The following SIAE variants were observed in gnomAD, a reference collection of about 807,000 sequenced individuals.
The protein encoded by SIAE is sialate O-acetylesterase.
SIAE carries 39 observed loss-of-function variants against 52.6 expected under a neutral mutation model. The ratio of observed to expected loss-of-function variants is 0.74; its 90% confidence interval spans 0.57 to 0.97. The LOEUF (loss-of-function observed/expected upper bound fraction) is 0.97, where lower values mean the gene tolerates loss of function less well. SIAE is among the 50% of genes least tolerant of loss of function. The probability of loss-of-function intolerance (pLI) is 0.00; values close to 1 mark genes in which losing one functional copy is unlikely to be tolerated. For synonymous variants in SIAE, 233 were observed against 241.4 expected, an observed-to-expected ratio of 0.97 and a Z score of 0.32; for missense variants, 592 against 662.1, an observed-to-expected ratio of 0.89 and a Z score of 1.16.
chr11:124,637,910 C>G (rs1371329102), intron 9 of SIAE, among the ~76,000 whole-genome samples: 1 of 152,148 alleles, frequency 6.6e-6, no homozygotes, highest in African/African-American at 2.4e-5. Flanking sequence ...TTCACACACC[C>G]CTTCCCAACC....
intron 2 of SIAE, among the ~76,000 whole-genome samples, chr11:124,668,371 A>G (rs1356956155): frequency 1.3e-5 from 2 of 152,244 alleles, no homozygotes; most frequent in African/African-American, 4.8e-5. Context: ...ATAACTGCTT[A>G]CTATCTTCCT....
At chr11:124,662,602 A>G (rs1048887612) in intron 2 of SIAE, among the ~76,000 whole-genome samples, 2 of 152,196 alleles carry the variant, frequency 1.3e-5, no homozygotes, top group Non-Finnish European at 2.9e-5. Flanking sequence ...CTACCCAGTA[A>G]TTAAAAGATA....
chr11:124,664,663 C>G (rs1943246887), intron 2 of SIAE, among the ~76,000 whole-genome samples: 1 of 152,134 alleles, frequency 6.6e-6, no homozygotes, highest in Non-Finnish European at 1.5e-5. Flanking sequence ...AACAAGCAAA[C>G]AATCAATGGA....
chr11:124,655,228 G>A (rs923162268), intron 3 of SIAE, among the ~76,000 whole-genome samples: 6 of 146,390 alleles, frequency 4.1e-5, no homozygotes, highest in African/African-American at 8.1e-5. Context: ...CCAGGCTGGA[G>A]TGTAGTGGCC....
At chr11:124,647,989 C>A in intron 6 of SIAE, 77 bp downstream of exon 6, 1 of 1,105,738 alleles carries the variant, frequency 9.0e-7, no homozygotes, top group South Asian at 1.3e-5. Context: ...TTGCTTTAAG[C>A]CACTACGTTC....
intron 7 of SIAE, among the ~76,000 whole-genome samples, chr11:124,644,122 C>G (rs1942891376): frequency 6.6e-6 from 1 of 152,066 alleles, no homozygotes; most frequent in Non-Finnish European, 1.5e-5. Context: ...AGGCCATTTA[C>G]AATTCTCTTA....
upstream of SIAE, chr11:124,674,306 G>A (rs1453759980): frequency 3.3e-5 from 5 of 152,432 alleles, no homozygotes; most frequent in African/African-American, 9.7e-5. Flanking sequence ...GGGAGGCTGA[G>A]GCGGGATCAT....
intron 2 of SIAE, among the ~76,000 whole-genome samples, chr11:124,662,803 T>C (rs987790742): frequency 6.6e-6 from 1 of 152,192 alleles, no homozygotes; most frequent in African/African-American, 2.4e-5. Flanking sequence ...GTGCTAGTCC[T>C]CAAGATGTTA....
intron 1 of SIAE, among the ~76,000 whole-genome samples, chr11:124,672,144 T>A (rs1213679751): frequency 6.6e-6 from 1 of 151,924 alleles, no homozygotes. Flanking sequence ...AACTCCTGAC[T>A]CTAAGTGATC....
chr11:124,641,443 C>A (rs550104958), intron 7 of SIAE, among the ~76,000 whole-genome samples: 8 of 152,260 alleles, frequency 5.3e-5, no homozygotes, highest in African/African-American at 9.6e-5. Flanking sequence ...GATAGCAAGG[C>A]AAGTGTTTGT....
intron 5 of SIAE, among the ~76,000 whole-genome samples, chr11:124,649,327 T>C (rs1285923261): frequency 1.3e-5 from 2 of 150,594 alleles, no homozygotes; most frequent in African/African-American, 4.9e-5. Flanking sequence ...AATATATTCA[T>C]AATTTATATA....
intron 4 of SIAE, among the ~76,000 whole-genome samples, chr11:124,652,872 G>A (rs566640424): frequency 6.7e-6 from 1 of 149,586 alleles, no homozygotes; most frequent in African/African-American, 2.6e-5. Flanking sequence ...TCCCTTCCCT[G>A]ATATATTTAT....
In SIAE at chr11:124,649,491, TA is replaced by T; in HGVS notation, c.722+127del. On this transcript the variant is annotated intron_variant, in intron 5 of 9. Coordinates refer to ENST00000263593, the MANE Select transcript of SIAE (RefSeq NM_170601.5). ...AAATAATGCTTTCCCTCTACATGAATAAATTACATACATTCAACACATATTG... is the reference window on the plus strand; with the variant it reads ...AAATAATGCTTTCCCTCTACATGAATAATTACATACATTCAACACATATTG... 4 of 1,028,282 alleles carry T rather than the reference TA, an allele frequency of 3.9e-6. No individual in the cohort carries two copies. In the Admixed American group the frequency reaches 7.0e-5, roughly 18 times the overall value. 63.7% of individuals were successfully genotyped at this position (1,028,282 alleles called of 1,614,324 possible).
chr11:124,639,816 G>A lies in SIAE; in HGVS notation c.1018C>T (p.Arg340Cys), dbSNP rs956977113. Residue 340 changes from arginine to cysteine, a missense_variant, in exon 8 of 10, where the codon CGT becomes TGT. Coordinates refer to ENST00000263593, the MANE Select transcript of SIAE (RefSeq NM_170601.5). Reference protein sequence around the residue: ...KSSDDGFPQIRWHQTADFGYV... With the variant: ...KSSDDGFPQICWHQTADFGYV... ...CCGAAGTCTGCTGTTTGATGCCAACGGATCTGGGGAAATCCATCGTCTGAG... is the reference window on the plus strand; with the variant it reads ...CCGAAGTCTGCTGTTTGATGCCAACAGATCTGGGGAAATCCATCGTCTGAG... 2.5e-6 allele frequency: 4 copies of A among 1,614,084 alleles called. No individual in the cohort carries two copies. The highest frequency in any genetic ancestry group is 1.3e-5 in the African/African-American group (1 of 74,934).
In SIAE at chr11:124,633,157, T is replaced by G. The variant is rs963288833; in HGVS notation, c.*3794A>C. 1.3e-5 allele frequency: 2 copies of G among 152,224 alleles called. No individual in the cohort carries two copies. Among genetic ancestry groups the G allele is most frequent in the Non-Finnish European group, 2.9e-5 (2 of 68,062 alleles). The allele number at this position is 152,224 out of a possible 1,614,324, so 9.4% of individuals were successfully genotyped here. On this transcript the variant is annotated 3_prime_UTR_variant, in exon 10 of 10. Coordinates refer to ENST00000263593, the MANE Select transcript of SIAE (RefSeq NM_170601.5). Reference sequence around the variant, plus strand: ...AACCTTTGTATTGCACCTCAGATAATGTGCTTTTTAGCTCAGTACACTGAA... The same window carrying G: ...AACCTTTGTATTGCACCTCAGATAAGGTGCTTTTTAGCTCAGTACACTGAA...
At chr11:124,668,085 CA>C (rs1943297684) in intron 2 of SIAE, among the ~76,000 whole-genome samples, 1 of 152,158 alleles carries the variant, frequency 6.6e-6, no homozygotes, top group Non-Finnish European at 1.5e-5. Context: ...CACTCCTTAG[CA>C]ATGACAAACA....
At position 124,636,084 on chromosome 11, in the gene SIAE, CT is replaced by C; in HGVS notation, c.*866del. The stretch of plus-strand genomic sequence containing the variant: ...GAACAACAGTTTGCCTCTGTTGCCC[CT>C]GTGTTCATGTTTTCCTAAGCCAGAG... On this transcript the variant is annotated 3_prime_UTR_variant, in exon 10 of 10. Coordinates refer to ENST00000263593, the MANE Select transcript of SIAE (RefSeq NM_170601.5). 6.6e-6 allele frequency: 1 copy of C among 152,156 alleles called. No individual in the cohort carries two copies. The highest frequency in any genetic ancestry group is 1.5e-5 in the Non-Finnish European group (1 of 68,040). The allele number at this position is 152,156 out of a possible 1,614,324, so 9.4% of individuals were successfully genotyped here. A position where few individuals can be genotyped will look rare whatever the true frequency, so the allele number is the denominator to read the frequency against.
At chr11:124,656,695 G>C (rs544124947) in intron 3 of SIAE, among the ~76,000 whole-genome samples, 121 of 152,092 alleles carry the variant, frequency 8.0e-4, no homozygotes, top group Non-Finnish European at 1.6e-3. Context: ...GAAATATTTT[G>C]TTTTTGTTTT....
chr11:124,659,435 G>C (rs1027728027), intron 3 of SIAE: 4 of 151,992 alleles, frequency 2.6e-5, no homozygotes, highest in African/African-American at 9.7e-5. Context: ...AATTCAAAAA[G>C]CCCAGCATGG....
Sources: allele counts gnomAD v4.1 joint callset (sites outside exome capture counted in the v4.1 genomes callset), GRCh38; gene constraint gnomAD v4.1.1; transcripts MANE v1.5; gene names NCBI Gene and HGNC (gene_info 2026-07-23, HGNC 2026-07-21).